AMOTL2: variants seen among roughly 807,000 people sequenced by gnomAD.
AMOTL2 encodes the protein angiomotin like 2, also known as angiomotin-like protein 2.
AMOTL2 carries 33 observed loss-of-function variants against 78.4 expected under a neutral mutation model. The observed-to-expected ratio is 0.42, with a 90% CI of 0.32 to 0.56. The LOEUF is 0.56. Among genes scored for constraint, AMOTL2 ranks in the 20% least tolerant of loss-of-function variants. The pLI, the probability that AMOTL2 is intolerant of heterozygous loss-of-function variation, is 0.12. For synonymous variants in AMOTL2, 422 were observed against 428.8 expected (o/e 0.98, Z 0.20); for missense variants, 983 against 1,030.1 (o/e 0.95, Z 0.63).
intron 1 of AMOTL2, chr3:134,373,774 C>T: frequency 2.0e-6 from 2 of 985,466 alleles, no homozygotes; most frequent in Non-Finnish European, 2.4e-6. Context: ...CGCGGGTCCG[C>T]CTCCCTCCCT....
intron 1 of AMOTL2, chr3:134,373,572 G>A (rs1194625202): frequency 4.0e-5 from 39 of 985,332 alleles, no homozygotes; most frequent in East Asian, 1.1e-4. Context: ...GCCAGCGCGC[G>A]TCTCCAGCCT....
intron 5 of AMOTL2, among the ~76,000 whole-genome samples, chr3:134,363,088 C>T (rs1333330055): frequency 1.3e-5 from 2 of 152,162 alleles, no homozygotes; most frequent in Admixed American, 1.3e-4. Context: ...AATCTTTGGG[C>T]CACATGCAGC....
At chr3:134,366,712 A>C in intron 3 of AMOTL2, 1 of 328,788 alleles carries the variant, frequency 3.0e-6, no homozygotes, top group Non-Finnish European at 5.6e-6. Flanking sequence ...GGGTGACTAA[A>C]CACAGCTTCC....
intron 7 of AMOTL2, among the ~76,000 whole-genome samples, chr3:134,359,831 G>A (rs1375451193): frequency 6.6e-6 from 1 of 152,220 alleles, no homozygotes; most frequent in Non-Finnish European, 1.5e-5. Context: ...CTGGAGGGCG[G>A]CACTCCGGAG....
At chr3:134,372,823 C>A (rs934573844) in intron 1 of AMOTL2, among the ~76,000 whole-genome samples, 1 of 152,008 alleles carries the variant, frequency 6.6e-6, no homozygotes, top group Non-Finnish European at 1.5e-5. Context: ...AATCTGCCTG[C>A]CTCTCTCACC....
chr3:134,369,967 TGCATGTAGCCAGAGAGA>T (rs1197138193), intron 2 of AMOTL2, among the ~76,000 whole-genome samples: 2 of 152,226 alleles, frequency 1.3e-5, no homozygotes, highest in South Asian at 2.1e-4. Context: ...AACCATGCTC[TGCATGTAGCCAGAGAGA>T]GCATTTAGAA....
intron 8 of AMOTL2, 116 bp downstream of exon 8, chr3:134,359,167 G>C: frequency 2.6e-6 from 3 of 1,135,662 alleles, no homozygotes; most frequent in Non-Finnish European, 2.6e-6. Context: ...CCCTGGAAGA[G>C]GGTCAGGAAG....
chr3:134,366,317 C>T lies in AMOTL2; in HGVS notation c.1152G>A (p.Met384Ile). 6.2e-7 allele frequency: 1 copy of T among 1,614,222 alleles called. No homozygotes were observed. The highest frequency in any genetic ancestry group is 8.5e-7 in the Non-Finnish European group (1 of 1,180,044). The change falls in exon 4 of 10, where the codon ATG (methionine) becomes ATA (isoleucine). Residue 384 changes from methionine to isoleucine, a missense_variant. By Grantham distance (10) the Met-to-Ile change is conservative (BLOSUM62 1). Transcript: ENST00000249883. Reference sequence around the variant, plus strand: ...CCCGGTTGAAGTCTTGCAGCCTCCTCATTTCACTGTCCATCTTGTTCCGCA... The same window carrying T: ...CCCGGTTGAAGTCTTGCAGCCTCCTTATTTCACTGTCCATCTTGTTCCGCA... ...KTMRNKMDSEMRRLQDFNRDL... is the reference protein window; with the variant it reads ...KTMRNKMDSEIRRLQDFNRDL...
At chr3:134,368,364 A>G (rs2017701249) in intron 2 of AMOTL2, among the ~76,000 whole-genome samples, 1 of 152,152 alleles carries the variant, frequency 6.6e-6, no homozygotes, top group East Asian at 1.9e-4. Flanking sequence ...TCCTATTTCA[A>G]GTCCTGCCAC....
chr3:134,370,586 G>A (rs2017802156), intron 2 of AMOTL2, 114 bp downstream of exon 2: 5 of 1,324,472 alleles, frequency 3.8e-6, no homozygotes, highest in South Asian at 4.2e-5. Context: ...CAGGTTGGAG[G>A]TGGGGTGGAT....
chr3:134,374,290 C>A (rs1400695083), intron 1 of AMOTL2, 52 bp downstream of exon 1: 1 of 985,346 alleles, frequency 1.0e-6, no homozygotes, highest in Non-Finnish European at 1.2e-6. Flanking sequence ...TTGGCTGGGG[C>A]ACGTTTCTGT....
At chr3:134,366,563 T>C (rs1403155488) in intron 3 of AMOTL2, 136 bp from the exon 4 acceptor site, 6 of 850,948 alleles carry the variant, frequency 7.1e-6, no homozygotes, top group East Asian at 2.7e-5. Flanking sequence ...CAGGTGACTA[T>C]GGTGGGATGG....
chr3:134,374,581 TCCTCCGC>T (rs1158253180), upstream of AMOTL2: 1 of 985,394 alleles, frequency 1.0e-6, no homozygotes, highest in Non-Finnish European at 1.2e-6. Context: ...CGCACCGCCC[TCCTCCGC>T]CCTCCGCCTT....
rs2107733250 is a variant in AMOTL2 at position 134,355,949 on chromosome 3, G to A, written c.*1756C>T. 6.6e-6 allele frequency: 1 copy of A among 152,614 alleles called. No individual in the cohort carries two copies. Among genetic ancestry groups the A allele is most frequent in the South Asian group, 2.1e-4 (1 of 4,824 alleles). 9.5% of individuals were successfully genotyped at this position (152,614 alleles called of 1,614,324 possible). ...GCGGCAGCAATCCTGGTACAGGGTG[G>A]CATAACAAAACAGCCATGTTTACAT... On this transcript the variant is annotated 3_prime_UTR_variant, in exon 10 of 10. Coordinates refer to ENST00000249883, the MANE Select transcript of AMOTL2 (RefSeq NM_016201.4).
chr3:134,358,803 G>A (rs2017205859), intron 8 of AMOTL2, 84 bp from the exon 9 acceptor site: 1 of 1,519,444 alleles, frequency 6.6e-7, no homozygotes, highest in Non-Finnish European at 9.0e-7. Flanking sequence ...GTCCCTGCTG[G>A]GGATTCAAGG....
Position 134,370,742 on chromosome 3 carries a change from TA to T in AMOTL2, c.691del (p.Tyr231ThrfsTer55). On this transcript the variant is annotated frameshift_variant, in exon 2 of 10. Transcript: ENST00000249883. LOFTEE classifies it high-confidence loss of function. ...ETTTAVTDPR[Y>X]RARGSPHFQH... ...GAAGTGCGGGCTGCCGCGGGCACGGTACCGTGGGTCAGTGACAGCAGTGGTG... is the reference window on the plus strand; with the variant it reads ...GAAGTGCGGGCTGCCGCGGGCACGGTCCGTGGGTCAGTGACAGCAGTGGTG... 3 of 1,514,574 alleles carry T rather than the reference TA, an allele frequency of 2.0e-6. No individual in the cohort carries two copies. The highest frequency in any genetic ancestry group is 1.8e-6 in the Non-Finnish European group (2 of 1,131,438). The allele number at this position is 1,514,574 out of a possible 1,614,324, so 93.8% of individuals were successfully genotyped here.
At position 134,371,351 on chromosome 3, in the gene AMOTL2, G is replaced by GTTGCAATGTGGTC; in HGVS notation, c.82_83insGACCACATTGCAA (p.Thr28ArgfsTer60). On this transcript the variant is annotated frameshift_variant, in exon 2 of 10. Transcript: ENST00000249883. LOFTEE classifies it high-confidence loss of function. ...CTGCTGGATGGCTAGCAGCGTGCGCGTCTCAGTCAGGTTGCCGTAGCGCAG... is the reference window on the plus strand; with the variant it reads ...CTGCTGGATGGCTAGCAGCGTGCGCGTTGCAATGTGGTCTCTCAGTCAGGTTGCCGTAGCGCAG... 1 of 1,610,970 alleles carries GTTGCAATGTGGTC rather than the reference G, an allele frequency of 6.2e-7. No homozygotes were observed. The highest frequency in any genetic ancestry group is 8.5e-7 in the Non-Finnish European group (1 of 1,180,004).
At chr3:134,372,034 A>G (rs971615918) in intron 1 of AMOTL2, 2 of 158,060 alleles carry the variant, frequency 1.3e-5, no homozygotes, top group African/African-American at 4.8e-5. Flanking sequence ...CATGCAGTCC[A>G]GTAGAAGCCC....
At chr3:134,366,617 C>G (rs1213558510) in intron 3 of AMOTL2, 190 bp from the exon 4 acceptor site, 1 of 574,008 alleles carries the variant, frequency 1.7e-6, no homozygotes, top group Non-Finnish European at 3.0e-6. Flanking sequence ...CTGCTGGGAC[C>G]AGCAAGCAAC....
Sources: gnomAD v4.1 joint callset for allele counts (sites outside exome capture counted in the v4.1 genomes callset) on GRCh38, gnomAD v4.1.1 for gene constraint, MANE v1.5 for transcripts, NCBI Gene and HGNC (gene_info 2026-07-23, HGNC 2026-07-21) for gene names.